Variants in MAP3K20 observed in about 807,000 individuals in gnomAD.
MAP3K20 encodes HCCS-4.
MAP3K20 carries 40 observed loss-of-function variants against 85.7 expected under a neutral mutation model. The observed-to-expected ratio is 0.47, with a 90% CI of 0.36 to 0.61. The LOEUF is 0.61. Ranked by LOEUF, MAP3K20 falls within the 20% of genes least tolerant of loss-of-function variation. The pLI, the probability that MAP3K20 is intolerant of heterozygous loss-of-function variation, is 0.00. For missense variants in MAP3K20, 817 were observed against 961.7 expected (o/e 0.85, Z 1.99); for synonymous variants, 325 against 327.7 (o/e 0.99, Z 0.09).
At chr2:173,121,232 T>A (rs1308027820) in intron 2 of MAP3K20, among the ~76,000 whole-genome samples, 11 of 152,200 alleles carry the variant, frequency 7.2e-5, no homozygotes, top group Non-Finnish European at 1.3e-4. Flanking sequence ...GTGAGACTAC[T>A]CAATTCCATG....
intron 16 of MAP3K20, among the ~76,000 whole-genome samples, chr2:173,254,563 G>T (rs1409486567): frequency 6.6e-6 from 1 of 152,076 alleles, no homozygotes; most frequent in Non-Finnish European, 1.5e-5. Flanking sequence ...TTGTGGAATT[G>T]TTATTTTTAG....
At chr2:173,256,375 C>A (rs1018796527) in intron 16 of MAP3K20, among the ~76,000 whole-genome samples, 1 of 152,122 alleles carries the variant, frequency 6.6e-6, no homozygotes, top group African/African-American at 2.4e-5. Flanking sequence ...TGCCTCTATC[C>A]CAGCTACTTG....
chr2:173,263,360 T>C (rs1436323504), intron 18 of MAP3K20, among the ~76,000 whole-genome samples: 2 of 152,204 alleles, frequency 1.3e-5, no homozygotes, highest in Non-Finnish European at 2.9e-5. Flanking sequence ...TCAAGTACTA[T>C]AAATAGAAGA....
chr2:173,209,493 C>T (rs1281467457), intron 9 of MAP3K20, among the ~76,000 whole-genome samples: 1 of 152,108 alleles, frequency 6.6e-6, no homozygotes, highest in African/African-American at 2.4e-5. Context: ...TTAGGCCACA[C>T]GATAGAAAAC....
At chr2:173,156,686 G>A (rs920450273) in intron 2 of MAP3K20, among the ~76,000 whole-genome samples, 9 of 152,168 alleles carry the variant, frequency 5.9e-5, no homozygotes, top group African/African-American at 9.7e-5. Context: ...GAGCTCAGGC[G>A]GGAATGCTCG....
At chr2:173,223,170 TA>T (rs1388250811) in intron 11 of MAP3K20, 2 of 985,204 alleles carry the variant, frequency 2.0e-6, no homozygotes, top group Non-Finnish European at 2.4e-6. Flanking sequence ...TGGGGAGAAA[TA>T]ACTAGTAGAA....
chr2:173,200,266 C>T (rs565582628), intron 8 of MAP3K20, among the ~76,000 whole-genome samples: 1 of 152,292 alleles, frequency 6.6e-6, no homozygotes, highest in East Asian at 1.9e-4. Context: ...TTTCACCTCA[C>T]AAATGGAGGT....
At chr2:173,190,262 C>G (rs1690609988) in intron 5 of MAP3K20, among the ~76,000 whole-genome samples, 1 of 152,118 alleles carries the variant, frequency 6.6e-6, no homozygotes, top group Non-Finnish European at 1.5e-5. Flanking sequence ...TATCATTGTT[C>G]TTTGGCTCTA....
In MAP3K20 at chr2:173,266,522, C is replaced by A. The variant is rs771704862; in HGVS notation, c.2175C>A (p.His725Gln). The change falls in exon 20 of 20, where the codon CAC becomes CAA. Residue 725 changes from histidine to glutamine, a missense_variant. Coordinates refer to ENST00000375213, the MANE Select transcript of MAP3K20 (RefSeq NM_016653.3). The part of the protein sequence containing the change: ...YRVSQSALNP[H>Q]QSPDFKRSPR... ...TTTCTCAGTCAGCACTCAATCCTCA[C>A]CAGTCGCCTGACTTCAAGAGAAGCC... 6.8e-6 allele frequency: 11 copies of A among 1,613,858 alleles called. No individual in the cohort carries two copies. In the Admixed American group the frequency reaches 1.8e-4, roughly 27 times the overall value.
intron 9 of MAP3K20, among the ~76,000 whole-genome samples, chr2:173,204,077 C>G (rs1683582417): frequency 6.6e-6 from 1 of 152,158 alleles, no homozygotes; most frequent in African/African-American, 2.4e-5. Flanking sequence ...ATTCTCATAG[C>G]ACGCTTTGAC....
At chr2:173,076,092 G>C in intron 1 of MAP3K20, 90 bp downstream of exon 1, 1 of 920,114 alleles carries the variant, frequency 1.1e-6, no homozygotes, top group Non-Finnish European at 1.3e-6. Flanking sequence ...TCGGGGCCGA[G>C]GCTCCGCCGG....
At chr2:173,099,864 A>G (rs2106158986) in intron 2 of MAP3K20, among the ~76,000 whole-genome samples, 1 of 152,310 alleles carries the variant, frequency 6.6e-6, no homozygotes, top group East Asian at 1.9e-4. Flanking sequence ...TAGTACCCAC[A>G]TCATAAGAGT....
chr2:173,187,526 T>C, intron 4 of MAP3K20, 32 bp from the exon 5 acceptor site: 1 of 1,564,788 alleles, frequency 6.4e-7, no homozygotes. Context: ...TGAAAAATAT[T>C]AATAGGCCTT....
intron 16 of MAP3K20, among the ~76,000 whole-genome samples, chr2:173,243,311 T>C (rs1045388468): frequency 2.8e-4 from 43 of 152,116 alleles, no homozygotes; most frequent in Admixed American, 2.0e-4. Context: ...TTGCTTAAGC[T>C]AAAATGTTAA....
intron 1 of MAP3K20, among the ~76,000 whole-genome samples, chr2:173,078,190 TTTTTG>T (rs1170475432): frequency 6.6e-6 from 1 of 151,230 alleles, no homozygotes; most frequent in Non-Finnish European, 1.5e-5. Context: ...GGTTTTTTTG[TTTTTG>T]TTTTGTTTTT....
chr2:173,161,551 G>C (rs578126081), intron 2 of MAP3K20, among the ~76,000 whole-genome samples: 1 of 152,036 alleles, frequency 6.6e-6, no homozygotes, highest in South Asian at 2.1e-4. Context: ...CTATATATAG[G>C]GTATCTGACT....
chr2:173,096,939 A>G (rs1436387081), intron 2 of MAP3K20, among the ~76,000 whole-genome samples: 1 of 152,196 alleles, frequency 6.6e-6, no homozygotes, highest in East Asian at 1.9e-4. Context: ...GCTGGGATCA[A>G]ATTGAACTGC....
In MAP3K20 at chr2:173,264,038, G is replaced by A. The variant is rs917370082; in HGVS notation, c.1702+143G>A. ...GCTTCGAGTAGCAGAAAACCCAGTT[G>A]CAACTGGCTTACTCCAATAATTCCC... On this transcript the variant is annotated intron_variant, in intron 19 of 19. Coordinates refer to ENST00000375213, the MANE Select transcript of MAP3K20 (RefSeq NM_016653.3). 253 of 1,176,466 alleles carry A rather than the reference G, an allele frequency of 2.2e-4. 2 individuals carry two copies. The highest frequency in any genetic ancestry group is 2.7e-4 in the Non-Finnish European group (230 of 867,698). The allele number at this position is 1,176,466 out of a possible 1,614,324, so 72.9% of individuals were successfully genotyped here. A position where few individuals can be genotyped will look rare whatever the true frequency, so the allele number is the denominator to read the frequency against.
At chr2:173,188,697 A>G (rs1004494109) in intron 5 of MAP3K20, among the ~76,000 whole-genome samples, 6 of 152,112 alleles carry the variant, frequency 3.9e-5, no homozygotes, top group East Asian at 3.9e-4. Flanking sequence ...TGGACCACCA[A>G]TTTAACCCTG....
Sources: gnomAD v4.1 joint callset for allele counts (sites outside exome capture counted in the v4.1 genomes callset) on GRCh38, gnomAD v4.1.1 for gene constraint, MANE v1.5 for transcripts, NCBI Gene and HGNC (gene_info 2026-07-23, HGNC 2026-07-21) for gene names.